The following STK32C variants were observed in gnomAD, a reference collection of about 807,000 sequenced individuals.
STK32C encodes the protein serine/threonine kinase 32C.
In STK32C, 31 loss-of-function variants were observed where a neutral mutation model predicts 56.5. The observed-to-expected ratio is 0.55, with a 90% CI of 0.41 to 0.74. STK32C has a LOEUF of 0.74. Among genes scored for constraint, STK32C ranks in the 30% least tolerant of loss-of-function variants. The pLI is 0.00. For synonymous variants in STK32C, 309 were observed against 289.4 expected (o/e 1.07, Z -0.69); for missense variants, 544 against 676.9 (o/e 0.80, Z 2.18).
chr10:132,270,279 G>C (rs1362722684), intron 1 of STK32C, among the ~76,000 whole-genome samples: 1 of 152,246 alleles, frequency 6.6e-6, no homozygotes, highest in Non-Finnish European at 1.5e-5. Flanking sequence ...TGAGAGGGTG[G>C]GACTCCTGAA....
intron 2 of STK32C, among the ~76,000 whole-genome samples, chr10:132,235,493 TTAAAA>T (rs1240921204): frequency 2.9e-4 from 21 of 72,406 alleles, no homozygotes; most frequent in African/African-American, 6.6e-4. Flanking sequence ...AGACTCAGCC[TTAAAA>T]AAAAAAAAAA....
intron 7 of STK32C, 38 bp downstream of exon 7, chr10:132,225,195 C>G: frequency 6.5e-7 from 1 of 1,532,182 alleles, no homozygotes; most frequent in South Asian, 1.3e-5. Context: ...AGAGCAGGGG[C>G]CTGGCAGCCA....
At chr10:132,290,393 T>A (rs543067317) in intron 1 of STK32C, among the ~76,000 whole-genome samples, 1 of 152,216 alleles carries the variant, frequency 6.6e-6, no homozygotes, top group Non-Finnish European at 1.5e-5. Context: ...AGAGCGAACA[T>A]AACCCGGCCC....
chr10:132,255,888 G>A lies in STK32C; in HGVS notation c.263-9933C>T, dbSNP rs570857038. On this transcript the variant is annotated intron_variant, in intron 1 of 11. Transcript: ENST00000298630. The surrounding 1 kb of genome is among the most constrained non-coding windows in gnomAD (Gnocchi z 4.6). ...GCTGGCCACCTTCTCCTTCTCCACC[G>A]TCCCCTCACCCAGGGGCAGACCCCC... Among the ~76,000 whole-genome samples, 490 of 152,276 alleles carry A rather than the reference G, an allele frequency of 3.2e-3. No homozygotes were observed. Among genetic ancestry groups the A allele is most frequent in the African/African-American group, 0.011 (463 of 41,572 alleles).
chr10:132,267,010 CT>C (rs1394872452), intron 1 of STK32C, among the ~76,000 whole-genome samples: 1 of 152,208 alleles, frequency 6.6e-6, no homozygotes, highest in Admixed American at 6.5e-5. Flanking sequence ...TCGGCCGTCA[CT>C]GAGCGGGCAG....
chr10:132,312,403 A>C (rs1461107016), upstream of STK32C, among the ~76,000 whole-genome samples: 2 of 152,212 alleles, frequency 1.3e-5, no homozygotes. Context: ...AAGACTCATT[A>C]TCTAAATCAG....
chr10:132,275,293 C>T (rs2064962370), intron 1 of STK32C, among the ~76,000 whole-genome samples: 1 of 152,216 alleles, frequency 6.6e-6, no homozygotes, highest in Admixed American at 6.5e-5. Flanking sequence ...GGGGTGGGTG[C>T]TGGGACCCCC....
At chr10:132,247,262 A>G (rs2063726522) in intron 1 of STK32C, among the ~76,000 whole-genome samples, 1 of 152,198 alleles carries the variant, frequency 6.6e-6, no homozygotes, top group Non-Finnish European at 1.5e-5. Flanking sequence ...GAGACAGAAC[A>G]GTTTCTAGAC....
chr10:132,291,041 C>T (rs1339653644), intron 1 of STK32C, among the ~76,000 whole-genome samples: 3 of 152,240 alleles, frequency 2.0e-5, no homozygotes, highest in Non-Finnish European at 4.4e-5. Flanking sequence ...GATAACAGCC[C>T]TCATGGCTGT....
chr10:132,227,340 C>T (rs1041615591), intron 3 of STK32C, among the ~76,000 whole-genome samples: 9 of 152,168 alleles, frequency 5.9e-5, no homozygotes, highest in African/African-American at 1.7e-4. Flanking sequence ...AAAATGAGGC[C>T]GTGTAGGTAC....
intron 10 of STK32C, among the ~76,000 whole-genome samples, chr10:132,217,085 T>C (rs2062496232): frequency 6.6e-6 from 1 of 152,172 alleles, no homozygotes; most frequent in Non-Finnish European, 1.5e-5. Context: ...GCTTGCACCA[T>C]GCACCTGGAA....
In STK32C at chr10:132,307,413, G is replaced by A. The variant is rs979175862; in HGVS notation, c.262+159C>T. Among the ~76,000 whole-genome samples, 2 of 151,918 alleles carry A rather than the reference G, an allele frequency of 1.3e-5. No individual in the cohort carries two copies. Among genetic ancestry groups the A allele is most frequent in the Non-Finnish European group, 2.9e-5 (2 of 67,920 alleles). ...ACGCGGGCGGGCGCCCAGAACTCGC[G>A]TGGGGCCGCAGCCACCCGGCGCGAG... is the stretch of plus-strand genomic sequence containing the variant. On this transcript the variant is annotated intron_variant, in intron 1 of 11. Transcript: ENST00000298630. This position sits in a 1 kb window ranked among gnomAD's most constrained non-coding sequence, Gnocchi z 4.4.
chr10:132,323,524 C>T (rs905235149), downstream of STK32C, among the ~76,000 whole-genome samples: 1 of 152,226 alleles, frequency 6.6e-6, no homozygotes, highest in Non-Finnish European at 1.5e-5. This position sits in a 1 kb window ranked among gnomAD's most constrained non-coding sequence, Gnocchi z 4.8. Flanking sequence ...CTAATTGTGG[C>T]AGACAGAATA....
In STK32C at chr10:132,279,700, GTGATCACGACACTCCACTCCC is replaced by G. The variant is rs1186055381; in HGVS notation, c.262+27851_262+27871del. ...CTCCGTGATCACGACACTCCACTCCGTGATCACGACACTCCACTCCCTGATCACACCACTGCACTCCGTGAT... is the reference window on the plus strand; with the variant it reads ...CTCCGTGATCACGACACTCCACTCCGTGATCACACCACTGCACTCCGTGAT... On this transcript the variant is annotated intron_variant, in intron 1 of 11. Coordinates refer to ENST00000298630, the MANE Select transcript of STK32C (RefSeq NM_173575.4). Among the ~76,000 whole-genome samples, 560 of 149,370 alleles carry G rather than the reference GTGATCACGACACTCCACTCCC, an allele frequency of 3.7e-3. 4 individuals carry two copies. The highest frequency in any genetic ancestry group is 0.014 in the African/African-American group (547 of 40,466).
At chr10:132,233,914 G>A (rs371942129) in intron 2 of STK32C, among the ~76,000 whole-genome samples, 61 of 152,358 alleles carry the variant, frequency 4.0e-4, no homozygotes, top group African/African-American at 1.3e-3. Context: ...GCTGGCTGGA[G>A]CCTTACTGGG....
In STK32C at chr10:132,267,654, C is replaced by CGT. The variant is rs1565128847; in HGVS notation, c.263-21700_263-21699insAC. Among the ~76,000 whole-genome samples, 542 of 130,494 alleles carry CGT rather than the reference C, an allele frequency of 4.2e-3. 8 individuals are homozygous for CGT. Among genetic ancestry groups the CGT allele is most frequent in the African/African-American group, 0.016 (498 of 30,686 alleles). 85.6% of individuals were successfully genotyped at this position (130,494 alleles called of 152,430 possible). On this transcript the variant is annotated intron_variant, in intron 1 of 11. Coordinates refer to ENST00000298630, the MANE Select transcript of STK32C (RefSeq NM_173575.4). ...GTCTGTGTGCATGCATGTCCCACAT[C>CGT]ATGTGTGTGTGTGTCGGTGTGTGTG...
At chr10:132,293,716 G>A (rs1324527709) in intron 1 of STK32C, among the ~76,000 whole-genome samples, 2 of 152,188 alleles carry the variant, frequency 1.3e-5, no homozygotes, top group African/African-American at 2.4e-5. Context: ...CAGGCACGTG[G>A]TGAGCCTCGG....
At chr10:132,220,354 G>A (rs981002689) in intron 10 of STK32C, among the ~76,000 whole-genome samples, 7 of 152,236 alleles carry the variant, frequency 4.6e-5, no homozygotes, top group African/African-American at 1.7e-4. Context: ...TTCAGAGGGG[G>A]CACGGCTTTG....
At chr10:132,284,088 T>A (rs2065301159) in intron 1 of STK32C, among the ~76,000 whole-genome samples, 1 of 151,826 alleles carries the variant, frequency 6.6e-6, no homozygotes, top group East Asian at 1.9e-4. Flanking sequence ...TGACCAACCA[T>A]GAGCAGAGCT....
Sources: allele counts gnomAD v4.1 joint callset (sites outside exome capture counted in the v4.1 genomes callset), GRCh38; gene constraint gnomAD v4.1.1; non-coding constraint Gnocchi (gnomAD v3.1); transcripts MANE v1.5; gene names NCBI Gene and HGNC (gene_info 2026-07-23, HGNC 2026-07-21).